The following ARHGEF10L variants were observed in gnomAD, a reference collection of about 807,000 sequenced individuals.
ARHGEF10L encodes rho guanine nucleotide exchange factor 10-like protein.
In ARHGEF10L, 69 loss-of-function variants were observed where a neutral mutation model predicts 141.2. The ratio of observed to expected loss-of-function variants is 0.49; its 90% CI spans 0.40 to 0.60. The LOEUF is 0.60. ARHGEF10L is among the 20% of genes least tolerant of loss of function. The pLI, the probability that ARHGEF10L is intolerant of heterozygous loss-of-function variation, is 0.00. For missense variants in ARHGEF10L, 1,482 were observed against 1,734.3 expected (o/e 0.85, Z 2.58); for synonymous variants, 711 against 718.5 (o/e 0.99, Z 0.17).
Position 17,607,744 on chromosome 1 carries a change from G to C in ARHGEF10L, c.434-58G>C. 7.0e-7 allele frequency: 1 copy of C among 1,427,246 alleles called. No individual in the cohort carries two copies. The highest frequency in any genetic ancestry group is 1.5e-5 in the South Asian group (1 of 65,492). The allele number at this position is 1,427,246 out of a possible 1,614,324, so 88.4% of individuals were successfully genotyped here. On this transcript the variant is annotated intron_variant, in intron 6 of 28. Coordinates refer to ENST00000361221, the MANE Select transcript of ARHGEF10L (RefSeq NM_018125.4). The surrounding 1 kb of genome is among the most constrained non-coding windows in gnomAD (Gnocchi z 4.5). ...GGTTCAGAAATTGGGTCTGAGGCTG[G>C]AAGTCTGGTAGGCTTGGCCTCAGGG...
At chr1:17,628,520 C>A (rs765335018) in intron 15 of ARHGEF10L, among the ~76,000 whole-genome samples, 1 of 152,124 alleles carries the variant, frequency 6.6e-6, no homozygotes, top group Non-Finnish European at 1.5e-5. Flanking sequence ...CCCCAGCCCC[C>A]CTGTTCACCT....
At chr1:17,635,075 TG>T in intron 18 of ARHGEF10L, 59 bp downstream of exon 18, 1 of 1,598,068 alleles carries the variant, frequency 6.3e-7, no homozygotes, top group Admixed American at 1.7e-5. Context: ...AGCCACAGCC[TG>T]GGCTGCTCCT....
intron 22 of ARHGEF10L, 53 bp downstream of exon 22, chr1:17,648,728 C>A (rs1015454396): frequency 6.3e-7 from 1 of 1,592,220 alleles, no homozygotes. Context: ...GCGGCTCCCC[C>A]TCGCCTGGGA....
intron 26 of ARHGEF10L, among the ~76,000 whole-genome samples, chr1:17,674,556 G>A (rs1051971268): frequency 6.6e-6 from 1 of 152,234 alleles, no homozygotes; most frequent in African/African-American, 2.4e-5. Flanking sequence ...AGAGGGGAGT[G>A]AGAGCGGGGT....
chr1:17,679,918 G>A (rs543433273), intron 26 of ARHGEF10L, among the ~76,000 whole-genome samples: 1 of 152,284 alleles, frequency 6.6e-6, no homozygotes, highest in Admixed American at 6.5e-5. Flanking sequence ...TGTCTCCCAG[G>A]GCCAGCTCGG....
chr1:17,684,854 G>A (rs911381471), intron 26 of ARHGEF10L, among the ~76,000 whole-genome samples: 21 of 152,194 alleles, frequency 1.4e-4, no homozygotes, highest in African/African-American at 5.1e-4. Flanking sequence ...CTCCTCTGGG[G>A]AGCCTGGCCT....
In ARHGEF10L at chr1:17,673,485, T is replaced by A. The variant is rs2063457241; in HGVS notation, c.3009+8890T>A. Among the ~76,000 whole-genome samples the A allele has an allele frequency of 6.6e-6, 1 of 151,958 alleles. No homozygotes were observed. On this transcript the variant is annotated intron_variant, in intron 26 of 28. Transcript: ENST00000361221. The surrounding 1 kb of genome is among the most constrained non-coding windows in gnomAD (Gnocchi z 4.1). ...AATGCAGTGGAGGTCAGGCCCTGGG[T>A]GTAATTAGGGAGGCTCCCTCCCTGG...
Position 17,576,634 on chromosome 1 carries a change from T to C in ARHGEF10L, c.-43-3919T>C, listed in dbSNP as rs576007070. 4.9e-4 allele frequency among the ~76,000 whole-genome samples: 74 copies of C among 152,260 alleles called. 1 individual carries two copies. The South Asian group carries it at 0.013, about 27-fold the overall frequency. ...AAGCATAGCCTGGATAGGGTCCCCA[T>C]GGTAACAGAGGCCCCTGTCTACCCA... On this transcript the variant is annotated intron_variant, in intron 1 of 28. Coordinates refer to ENST00000361221, the MANE Select transcript of ARHGEF10L (RefSeq NM_018125.4).
chr1:17,577,798 G>A (rs531390350), intron 1 of ARHGEF10L, among the ~76,000 whole-genome samples: 3 of 152,196 alleles, frequency 2.0e-5, no homozygotes, highest in Non-Finnish European at 4.4e-5. Context: ...GTGACCTGGG[G>A]CAAATATTTG....
At chr1:17,561,208 A>T (rs1237351946) in intron 1 of ARHGEF10L, among the ~76,000 whole-genome samples, 1 of 152,194 alleles carries the variant, frequency 6.6e-6, no homozygotes, top group African/African-American at 2.4e-5. Context: ...CTGTCTTCTA[A>T]GTCTGAGAGC....
chr1:17,575,094 G>A lies in ARHGEF10L; in HGVS notation c.-43-5459G>A, dbSNP rs544421787. Among the ~76,000 whole-genome samples the A allele has an allele frequency of 2.5e-4, 38 of 152,324 alleles. No individual in the cohort carries two copies. The East Asian group carries it at 7.4e-3, about 29-fold the overall frequency. On this transcript the variant is annotated intron_variant, in intron 1 of 28. Coordinates refer to ENST00000361221, the MANE Select transcript of ARHGEF10L (RefSeq NM_018125.4). ...AGGGGAAGGTCTCAGCTGTTGTCTAGTGTGTACCCCGGGCCAGACCCAGTG... is the reference window on the plus strand; with the variant it reads ...AGGGGAAGGTCTCAGCTGTTGTCTAATGTGTACCCCGGGCCAGACCCAGTG...
chr1:17,694,996 A>G (rs1268826197), intron 27 of ARHGEF10L, 162 bp from the exon 28 acceptor site: 1 of 997,746 alleles, frequency 1.0e-6, no homozygotes, highest in East Asian at 2.4e-5. Context: ...GACCCCAGGC[A>G]GGTCAGCCTC....
chr1:17,551,668 G>A (rs2077117502), intron 1 of ARHGEF10L, among the ~76,000 whole-genome samples: 2 of 152,146 alleles, frequency 1.3e-5, no homozygotes, highest in Non-Finnish European at 2.9e-5. Flanking sequence ...GCTGTTAAAA[G>A]GCTCTCGATT....
chr1:17,537,854 C>CAAAAAAAAAAA (rs10611023), upstream of ARHGEF10L, among the ~76,000 whole-genome samples: 1 of 79,840 alleles, frequency 1.3e-5, no homozygotes, highest in Non-Finnish European at 2.4e-5. Flanking sequence ...ACCATCTCTA[C>CAAAAAAAAAAA]AAAAAAAAAA....
At position 17,615,926 on chromosome 1, in the gene ARHGEF10L, G is replaced by T. The variant is rs1254826623; in HGVS notation, c.727-168G>T. On this transcript the variant is annotated intron_variant, in intron 8 of 28. Transcript: ENST00000361221. The surrounding 1 kb of genome is among the most constrained non-coding windows in gnomAD (Gnocchi z 4.7). ...AAGAGGGAGATCCCCGGGCATGAAC[G>T]CACCTTCTCACCCCCACTGTCGTCC... 1 of 615,902 alleles carries T rather than the reference G, an allele frequency of 1.6e-6. No individual in the cohort carries two copies. 38.2% of individuals were successfully genotyped at this position (615,902 alleles called of 1,614,324 possible). A position where few individuals can be genotyped will look rare whatever the true frequency, so the allele number is the denominator to read the frequency against.
intron 1 of ARHGEF10L, among the ~76,000 whole-genome samples, chr1:17,565,967 G>A (rs2077739771): frequency 6.6e-6 from 1 of 152,148 alleles, no homozygotes; most frequent in South Asian, 2.1e-4. Flanking sequence ...CTAGCGGGGA[G>A]AGGCACAAAA....
the ARHGEF10L span, among the ~76,000 whole-genome samples, chr1:17,532,002 C>G: frequency 6.6e-6 from 1 of 152,162 alleles, no homozygotes; most frequent in Non-Finnish European, 1.5e-5. Flanking sequence ...CTGAGCACCC[C>G]CCACCACCAC....
At chr1:17,593,336 C>T (rs2079758110) in intron 4 of ARHGEF10L, among the ~76,000 whole-genome samples, 1 of 152,192 alleles carries the variant, frequency 6.6e-6, no homozygotes, top group African/African-American at 2.4e-5. Context: ...CCTTCCACCC[C>T]TTGGAGATTT....
the ARHGEF10L span, among the ~76,000 whole-genome samples, chr1:17,517,800 A>C: frequency 6.6e-6 from 1 of 152,164 alleles, no homozygotes; most frequent in Non-Finnish European, 1.5e-5. Flanking sequence ...AGCTGGAATT[A>C]CAGGTGCCCA....
Sources: allele counts gnomAD v4.1 joint callset (sites outside exome capture counted in the v4.1 genomes callset), GRCh38; gene constraint gnomAD v4.1.1; non-coding constraint Gnocchi (gnomAD v3.1); transcripts MANE v1.5; gene names NCBI Gene and HGNC (gene_info 2026-07-23, HGNC 2026-07-21).